The following GRK2 variants were observed in gnomAD, a reference collection of about 807,000 sequenced individuals.
GRK2 encodes adrenergic beta receptor kinase 1.
Under a neutral mutation model 97.8 loss-of-function variants are expected in GRK2, and 23 were observed. The observed-to-expected ratio is 0.24, with a 90% confidence interval of 0.17 to 0.33. The LOEUF (loss-of-function observed/expected upper bound fraction) is 0.33. GRK2 is among the 10% of genes least tolerant of loss of function. The pLI is 1.00. For synonymous variants in GRK2, 425 were observed against 381.7 expected, an observed-to-expected ratio of 1.11 and a Z score of -1.32; for missense variants, 633 against 956.9, an observed-to-expected ratio of 0.66 and a Z score of 4.47.
intron 2 of GRK2, among the ~76,000 whole-genome samples, chr11:67,277,897 C>CCA (rs1860069352): frequency 6.6e-6 from 1 of 152,238 alleles, no homozygotes; most frequent in Non-Finnish European, 1.5e-5. Context: ...GGCTCCAGCC[C>CCA]CACATGGCTC....
At position 67,281,674 on chromosome 11, in the gene GRK2, T is replaced by G; in HGVS notation, c.772T>G (p.Ser258Ala). Residue 258 changes from serine (S) to alanine (A), a missense_variant, in exon 10 of 21, where the codon TCA becomes GCA. Physicochemically the swap from Ser to Ala is moderately conservative, Grantham distance 99 (BLOSUM62 1). Coordinates refer to ENST00000308595, the MANE Select transcript of GRK2 (RefSeq NM_001619.5). The surrounding 1 kb of genome is among the most constrained non-coding windows in gnomAD (Gnocchi z 5.7). ...GGACTGCCCATTCATTGTCTGCATGTCATACGCGTTCCACACGCCAGACAA... is the reference window on the plus strand; with the variant it reads ...GGACTGCCCATTCATTGTCTGCATGGCATACGCGTTCCACACGCCAGACAA... ...TGDCPFIVCMSYAFHTPDKLS... is the reference protein window; with the variant it reads ...TGDCPFIVCMAYAFHTPDKLS... 1 of 1,610,510 alleles carries G rather than the reference T, an allele frequency of 6.2e-7. No homozygotes were observed. The highest frequency in any genetic ancestry group is 2.2e-5 in the East Asian group (1 of 44,630).
chr11:67,266,855 G>T, intron 1 of GRK2, 43 bp downstream of exon 1: 1 of 1,040,220 alleles, frequency 9.6e-7, no homozygotes, highest in South Asian at 3.9e-5. Context: ...CCCCGCGGGC[G>T]CCCCGGCCGC....
Position 67,283,963 on chromosome 11 carries a change from C to A in GRK2, c.1491+14C>A. The A allele has an allele frequency of 6.3e-7, 1 of 1,592,232 alleles. No homozygotes were observed. ...AAAGGAATCAAGGTACTGGGCCTTG[C>A]CTGGCCTCTTGTACCTAGGCTGTGA... On this transcript the variant is annotated intron_variant, in intron 17 of 20. Transcript: ENST00000308595.
intron 6 of GRK2, chr11:67,280,228 C>CA: frequency 2.3e-6 from 1 of 429,706 alleles, no homozygotes; most frequent in Non-Finnish European, 4.3e-6. Flanking sequence ...TGAGAAGCAT[C>CA]AGAGTCCTGG....
chr11:67,277,320 C>A lies in GRK2; in HGVS notation c.162C>A (p.Thr54=), dbSNP rs746924208. 1.2e-6 allele frequency: 2 copies of A among 1,613,772 alleles called. No homozygotes were observed. Among genetic ancestry groups the A allele is most frequent in the Admixed American group, 1.7e-5 (1 of 60,026 alleles). Residue 54 remains threonine, a synonymous_variant, in exon 2 of 21, where the codon ACC becomes ACA. Transcript: ENST00000308595. ...QKYLEDRGEV[T]FEKIFSQKLG... is the part of the protein sequence containing the mutation. ...ACCTGGAGGACCGGGGCGAGGTGACCTTTGAGAAGATCTTTTCCCAGAAGC... is the reference window on the plus strand; with the variant it reads ...ACCTGGAGGACCGGGGCGAGGTGACATTTGAGAAGATCTTTTCCCAGAAGC...
At position 67,283,140 on chromosome 11, in the gene GRK2, C is replaced by T. The variant is rs750300020; in HGVS notation, c.1240C>T (p.Pro414Ser). The change falls in exon 15 of 21, where the codon CCC becomes TCC. Residue 414 changes from proline (P) to serine (S), a missense_variant. Physicochemically the swap from Pro to Ser is moderately conservative, Grantham distance 74. Around this residue, in one of 4 missense-constraint regions of GRK2, gnomAD observed 68 missense variants for 71.0 expected, o/e 0.96. Coordinates refer to ENST00000308595, the MANE Select transcript of GRK2 (RefSeq NM_001619.5). ...CTCCTCTCTAAAGGCCGTGGAGCTGCCCGACTCCTTCTCCCCTGAACTACG... is the reference window on the plus strand; with the variant it reads ...CTCCTCTCTAAAGGCCGTGGAGCTGTCCGACTCCTTCTCCCCTGAACTACG... Reference protein sequence around the residue: ...RMTLTMAVELPDSFSPELRSL... With the variant: ...RMTLTMAVELSDSFSPELRSL... The T allele has an allele frequency of 6.2e-7, 1 of 1,613,950 alleles. No individual in the cohort carries two copies. Among genetic ancestry groups the T allele is most frequent in the Non-Finnish European group, 8.5e-7 (1 of 1,179,968 alleles).
Position 67,285,753 on chromosome 11 carries a change from G to T in GRK2, c.*303G>T. ...ATGCCACACCAAGCTGTGCCACCCT[G>T]GGCTCTGTGGGCTGCACTCTGTGCC... On this transcript the variant is annotated 3_prime_UTR_variant, in exon 21 of 21. Coordinates refer to ENST00000308595, the MANE Select transcript of GRK2 (RefSeq NM_001619.5). 2 of 420,432 alleles carry T rather than the reference G, an allele frequency of 4.8e-6. No homozygotes were observed. The highest frequency in any genetic ancestry group is 7.1e-5 in the South Asian group (2 of 28,018). 26.0% of individuals were successfully genotyped at this position (420,432 alleles called of 1,614,324 possible). A position where few individuals can be genotyped will look rare whatever the true frequency, so the allele number is the denominator to read the frequency against.
rs1035417805 is a variant in GRK2 at position 67,281,416 on chromosome 11, C to A, written c.648-43C>A. 7.6e-6 allele frequency: 12 copies of A among 1,576,140 alleles called. No homozygotes were observed. Among genetic ancestry groups the A allele is most frequent in the Non-Finnish European group, 9.6e-6 (11 of 1,147,528 alleles). ...CGCCCCCTGAGGCAGCCCTGGGCCC[C>A]TGCTCTGAGGGTGGGTGTTGACTGC... On this transcript the variant is annotated intron_variant, in intron 8 of 20. Transcript: ENST00000308595. This position sits in a 1 kb window ranked among gnomAD's most constrained non-coding sequence, Gnocchi z 5.7.
intron 1 of GRK2, among the ~76,000 whole-genome samples, chr11:67,275,155 T>C (rs1311999499): frequency 6.6e-6 from 1 of 152,210 alleles, no homozygotes; most frequent in Non-Finnish European, 1.5e-5. Context: ...GCTGTGCTCG[T>C]GCTATCTCGC....
chr11:67,280,915 G>A, intron 7 of GRK2, 132 bp downstream of exon 7: 9 of 1,220,500 alleles, frequency 7.4e-6, no homozygotes, highest in Non-Finnish European at 9.6e-6. Context: ...CCGTGGCTAT[G>A]GGGGTCAGGG....
intron 1 of GRK2, among the ~76,000 whole-genome samples, chr11:67,271,308 A>C (rs1410347225): frequency 6.6e-6 from 1 of 152,210 alleles, no homozygotes; most frequent in Non-Finnish European, 1.5e-5. Flanking sequence ...CTTTTTTCTA[A>C]AACAGTAATA....
In GRK2 at chr11:67,266,832, GGCCCCGGCCCGACCCCGCGGGC is replaced by G. The variant is rs763738031; in HGVS notation, c.113+30_113+51del. On this transcript the variant is annotated intron_variant, in intron 1 of 20. Transcript: ENST00000308595. The stretch of plus-strand genomic sequence containing the variant: ...GCCCAGGTGAGGAGAAGCTGCCCGC[GGCCCCGGCCCGACCCCGCGGGC>G]GCCCCGGCCGCGGCCCCGAGACCCT... 1.1e-5 allele frequency: 13 copies of G among 1,191,914 alleles called. No individual in the cohort carries two copies. Among genetic ancestry groups the G allele is most frequent in the South Asian group, 3.1e-5 (1 of 32,718 alleles). The allele number at this position is 1,191,914 out of a possible 1,614,324, so 73.8% of individuals were successfully genotyped here. A position where few individuals can be genotyped will look rare whatever the true frequency, so the allele number is the denominator to read the frequency against.
chr11:67,283,764 C>T lies in GRK2; in HGVS notation c.1386C>T (p.Phe462=). Residue 462 remains phenylalanine (F), a synonymous_variant, in exon 16 of 21, where the codon TTC becomes TTT. Transcript: ENST00000308595. ...FFRSLDWQMV[F]LQKYPPPLIP... is the part of the protein sequence containing the mutation. The stretch of plus-strand genomic sequence containing the variant: ...GCTCCCTGGACTGGCAGATGGTCTT[C>T]TTGCAGAAGGTAACAGTCTGCGGCA... 4 of 1,613,750 alleles carry T rather than the reference C, an allele frequency of 2.5e-6. No homozygotes were observed. Among genetic ancestry groups the T allele is most frequent in the Non-Finnish European group, 2.5e-6 (3 of 1,179,996 alleles).
chr11:67,266,839 G>A, intron 1 of GRK2, 27 bp downstream of exon 1: 1 of 1,152,512 alleles, frequency 8.7e-7, no homozygotes, highest in South Asian at 3.3e-5. Context: ...CGCGGCCCCG[G>A]CCCGACCCCG....
In GRK2 at chr11:67,282,078, C is replaced by T; in HGVS notation, c.957+126C>T. 7.5e-7 allele frequency: 1 copy of T among 1,330,798 alleles called. No homozygotes were observed. Among genetic ancestry groups the T allele is most frequent in the Non-Finnish European group, 1.0e-6 (1 of 964,556 alleles). The allele number at this position is 1,330,798 out of a possible 1,614,324, so 82.4% of individuals were successfully genotyped here. A position where few individuals can be genotyped will look rare whatever the true frequency, so the allele number is the denominator to read the frequency against. ...ATGGCCGCCCCGTATCTTCCCATCT[C>T]CGCCCCTGCCCTTCCCACCGAGCCA... On this transcript the variant is annotated intron_variant, in intron 11 of 20. Transcript: ENST00000308595. This position sits in a 1 kb window ranked among gnomAD's most constrained non-coding sequence, Gnocchi z 6.9.
Position 67,282,652 on chromosome 11 carries a change from T to A in GRK2, c.1161-100T>A. ...GCCCATAGCTGCCTTGGTGGTAGGG[T>A]TGGCACCGTCCCTGACTTTGGCCAC... On this transcript the variant is annotated intron_variant, in intron 13 of 20. Coordinates refer to ENST00000308595, the MANE Select transcript of GRK2 (RefSeq NM_001619.5). The surrounding 1 kb of genome is among the most constrained non-coding windows in gnomAD (Gnocchi z 6.9). The A allele has an allele frequency of 6.4e-7, 1 of 1,558,960 alleles. No individual in the cohort carries two copies. Among genetic ancestry groups the A allele is most frequent in the African/African-American group, 1.4e-5 (1 of 73,946 alleles).
At chr11:67,280,672 C>G (rs955028575) in intron 6 of GRK2, 60 bp from the exon 7 acceptor site, 2 of 1,599,284 alleles carry the variant, frequency 1.3e-6, no homozygotes, top group African/African-American at 1.3e-5. Context: ...GGGAGGCTCA[C>G]GACAGCATCA....
intron 1 of GRK2, among the ~76,000 whole-genome samples, chr11:67,275,899 G>A (rs1192760940): frequency 6.6e-6 from 1 of 152,238 alleles, no homozygotes; most frequent in Admixed American, 6.5e-5. Flanking sequence ...CATGCCCTGG[G>A]CAGGGCTGTT....
At chr11:67,274,524 C>CTTTTTTTTTTTTTTTTTTTT (rs1590848179) in intron 1 of GRK2, among the ~76,000 whole-genome samples, 820 of 54,890 alleles carry the variant, frequency 0.015, 1 homozygote, top group South Asian at 0.018. Flanking sequence ...TTTTTTTTTG[C>CTTTTTTTTTTTTTTTTTTTT]TTTTTTTCAT....
Sources: gnomAD v4.1 joint callset for allele counts (sites outside exome capture counted in the v4.1 genomes callset) on GRCh38, gnomAD v4.1.1 for gene constraint, gnomAD v4.1.1 regional missense constraint, Gnocchi (gnomAD v3.1) non-coding constraint, MANE v1.5 for transcripts, NCBI Gene and HGNC (gene_info 2026-07-23, HGNC 2026-07-21) for gene names.